The following GFRA2 variants were observed in gnomAD, a reference collection of about 807,000 sequenced individuals.
GFRA2 encodes the protein GDNF family receptor alpha-2.
Under a neutral mutation model 48.3 loss-of-function variants are expected in GFRA2, and 17 were observed. The ratio of observed to expected loss-of-function variants is 0.35; its 90% CI spans 0.24 to 0.53. The LOEUF (loss-of-function observed/expected upper bound fraction) is 0.53. Ranked by LOEUF, GFRA2 falls within the 20% of genes least tolerant of loss-of-function variation. The pLI, the probability that GFRA2 is intolerant of heterozygous loss-of-function variation, is 0.93. For synonymous variants in GFRA2, 305 were observed against 257.2 expected (o/e 1.19, Z -1.78); for missense variants, 660 against 637.3 (o/e 1.04, Z -0.38).
intron 3 of GFRA2, among the ~76,000 whole-genome samples, chr8:21,774,513 T>C (rs1806596372): frequency 6.6e-6 from 1 of 152,166 alleles, no homozygotes; most frequent in Non-Finnish European, 1.5e-5. Flanking sequence ...TGATGCGGCG[T>C]GCTGAGCACT....
At chr8:21,755,713 C>T (rs1432248194) in intron 3 of GFRA2, among the ~76,000 whole-genome samples, 2 of 152,190 alleles carry the variant, frequency 1.3e-5, no homozygotes, top group East Asian at 3.9e-4. Context: ...GAAGTAAAGA[C>T]AGCAGAAAAA....
chr8:21,756,539 C>T (rs536147872), intron 3 of GFRA2, among the ~76,000 whole-genome samples: 1 of 152,296 alleles, frequency 6.6e-6, no homozygotes, highest in East Asian at 1.9e-4. Flanking sequence ...CCATCTGCAG[C>T]AGAAAAACTG....
At chr8:21,731,841 A>T (rs868775256) in intron 4 of GFRA2, among the ~76,000 whole-genome samples, 1 of 152,246 alleles carries the variant, frequency 6.6e-6, no homozygotes, top group Admixed American at 6.5e-5. Flanking sequence ...CAAAAGTCAC[A>T]GTATCTGGCG....
At chr8:21,725,412 G>A (rs137939458) in intron 4 of GFRA2, among the ~76,000 whole-genome samples, 5 of 152,362 alleles carry the variant, frequency 3.3e-5, no homozygotes, top group Admixed American at 6.5e-5. Context: ...CCAGCCTGGG[G>A]CGGGGGGACA....
At chr8:21,740,545 C>T (rs971977726) in intron 4 of GFRA2, among the ~76,000 whole-genome samples, 1 of 152,158 alleles carries the variant, frequency 6.6e-6, no homozygotes, top group Non-Finnish European at 1.5e-5. Flanking sequence ...AGAACACATT[C>T]TTTTGACTCC....
chr8:21,788,193 C>G lies in GFRA2; in HGVS notation c.-34G>C. 6.3e-7 allele frequency: 1 copy of G among 1,597,190 alleles called. No individual in the cohort carries two copies. ...AATCCCACCGTTTTTTTGTCTTTCT[C>G]CCTTGGGTAAAAAAAAATAATAGTA... On this transcript the variant is annotated 5_prime_UTR_variant, in exon 1 of 9. Coordinates refer to ENST00000524240, the MANE Select transcript of GFRA2 (RefSeq NM_001495.5).
chr8:21,778,478 G>A (rs1319805105), intron 2 of GFRA2, among the ~76,000 whole-genome samples: 6 of 152,324 alleles, frequency 3.9e-5, no homozygotes, highest in Admixed American at 2.0e-4. Context: ...AAGGTCTCCC[G>A]ACCTGTCTGC....
chr8:21,694,499 T>G lies in GFRA2; in HGVS notation c.1237A>C (p.Asn413His). 6.2e-7 allele frequency: 1 copy of G among 1,611,940 alleles called. No individual in the cohort carries two copies. Among genetic ancestry groups the G allele is most frequent in the Non-Finnish European group, 8.5e-7 (1 of 1,179,320 alleles). ...TSVQEQGLKA[N>H]NSKELSMCFT... ...CACATGCTTAACTCTTTGGAGTTGT[T>G]GGCCTTCAGCCCCTGCTCCTGCGAG... Residue 413 changes from asparagine (N) to histidine (H), a missense_variant, in exon 8 of 9, where the codon AAC becomes CAC. Transcript: ENST00000524240.
chr8:21,804,568 T>C (rs1807826771), intron 2 of GFRA2, among the ~76,000 whole-genome samples: 1 of 152,088 alleles, frequency 6.6e-6, no homozygotes, highest in Admixed American at 6.5e-5. Flanking sequence ...CTCACACCCC[T>C]GAAGCAGCCC....
At chr8:21,742,384 C>T (rs887642511) in intron 4 of GFRA2, among the ~76,000 whole-genome samples, 5 of 152,100 alleles carry the variant, frequency 3.3e-5, no homozygotes, top group Non-Finnish European at 5.9e-5. Context: ...CATACGAGGA[C>T]GTAACCAGGA....
chr8:21,809,519 G>C (rs974895512), intron 1 of GFRA2, among the ~76,000 whole-genome samples: 1 of 152,090 alleles, frequency 6.6e-6, no homozygotes, highest in Non-Finnish European at 1.5e-5. Context: ...AGTAGAAAAG[G>C]GGTTTCACCG....
chr8:21,739,095 C>G (rs911942713), intron 4 of GFRA2, among the ~76,000 whole-genome samples: 1 of 152,202 alleles, frequency 6.6e-6, no homozygotes. Context: ...GAAGAAGGGT[C>G]ACATGCTCCG....
At chr8:21,693,980 C>CATATAT (rs377685512) in intron 8 of GFRA2, among the ~76,000 whole-genome samples, 5 of 145,294 alleles carry the variant, frequency 3.4e-5, no homozygotes, top group African/African-American at 1.3e-4. Context: ...GTCTATAAGT[C>CATATAT]ATATATATAT....
intron 2 of GFRA2, among the ~76,000 whole-genome samples, chr8:21,798,987 A>G (rs1807724266): frequency 6.6e-6 from 1 of 152,170 alleles, no homozygotes; most frequent in Admixed American, 6.5e-5. Context: ...CCATAGCCTT[A>G]GGGGCTGGCC....
rs1307989566 is a variant in GFRA2 at position 21,774,934 on chromosome 8, G to A, written c.439+38C>T. The A allele has an allele frequency of 1.3e-5, 15 of 1,151,114 alleles. No homozygotes were observed. In the African/African-American group the frequency reaches 2.3e-4, roughly 17 times the overall value. 71.3% of individuals were successfully genotyped at this position (1,151,114 alleles called of 1,614,324 possible). A position where few individuals can be genotyped will look rare whatever the true frequency, so the allele number is the denominator to read the frequency against. On this transcript the variant is annotated intron_variant, in intron 3 of 8. Transcript: ENST00000524240. ...TCCATCTGCCATGCCACAGGGACGA[G>A]AGGAGAACGGGCCAAGTCCCAGTGC...
At chr8:21,703,090 A>C in intron 6 of GFRA2, 113 bp from the exon 7 acceptor site, 1 of 635,886 alleles carries the variant, frequency 1.6e-6, no homozygotes, top group East Asian at 3.3e-5. Flanking sequence ...ATGGTCCAGA[A>C]GCCAGGACAG....
intron 4 of GFRA2, among the ~76,000 whole-genome samples, chr8:21,727,424 C>A (rs1328361091): frequency 3.3e-5 from 5 of 152,150 alleles, no homozygotes; most frequent in African/African-American, 1.2e-4. Flanking sequence ...CCCTGTGTGA[C>A]CCACTGGGGC....
chr8:21,798,288 T>A (rs972806303), intron 2 of GFRA2, among the ~76,000 whole-genome samples: 8 of 152,116 alleles, frequency 5.3e-5, no homozygotes, highest in Non-Finnish European at 4.4e-5. Flanking sequence ...AGAAAAGAGT[T>A]CAGCACAGTC....
chr8:21,733,800 AG>A (rs1804316932), intron 4 of GFRA2, among the ~76,000 whole-genome samples: 1 of 152,216 alleles, frequency 6.6e-6, no homozygotes, highest in African/African-American at 2.4e-5. Context: ...GCGCAGTTAG[AG>A]GAGCATCAGA....
Sources: gnomAD v4.1 joint callset for allele counts (sites outside exome capture counted in the v4.1 genomes callset) on GRCh38, gnomAD v4.1.1 for gene constraint, MANE v1.5 for transcripts, NCBI Gene and HGNC (gene_info 2026-07-23, HGNC 2026-07-21) for gene names.